Variants in ANKS1B observed in about 807,000 individuals in gnomAD.
ANKS1B encodes the protein ankyrin repeat and sterile alpha motif domain containing 1B, also known as ankyrin repeat and sterile alpha motif domain-containing protein 1B.
Under a neutral mutation model 148.3 loss-of-function variants are expected in ANKS1B, and 36 were observed. The ratio of observed to expected loss-of-function variants is 0.24; its 90% CI spans 0.19 to 0.32. ANKS1B has a LOEUF of 0.32. Among genes scored for constraint, ANKS1B ranks in the 10% least tolerant of loss-of-function variants. The pLI, the probability that ANKS1B is intolerant of heterozygous loss-of-function variation, is 1.00. For synonymous variants in ANKS1B, 542 were observed against 560.8 expected, an observed-to-expected ratio of 0.97 and a Z score of 0.47; for missense variants, 1,157 against 1,542.6, an observed-to-expected ratio of 0.75 and a Z score of 4.19.
intron 12 of ANKS1B, among the ~76,000 whole-genome samples, chr12:99,300,913 G>A (rs1172845192): frequency 6.6e-6 from 1 of 152,200 alleles, no homozygotes; most frequent in African/African-American, 2.4e-5. Context: ...AGATATAAAA[G>A]AGGATATTTA....
At chr12:99,157,853 G>A (rs2076240066) in intron 14 of ANKS1B, among the ~76,000 whole-genome samples, 1 of 152,210 alleles carries the variant, frequency 6.6e-6, no homozygotes, top group Admixed American at 6.5e-5. Context: ...ATTTGTGGTG[G>A]GGATTATTTC....
chr12:99,466,541 G>A lies in ANKS1B; in HGVS notation c.1439-22732C>T, dbSNP rs867812276. Among the ~76,000 whole-genome samples the A allele has an allele frequency of 1.3e-5, 2 of 150,182 alleles. 1 individual carries two copies. Among genetic ancestry groups the A allele is most frequent in the African/African-American group, 5.1e-5 (2 of 39,600 alleles). ...GATCAACAAAATTGATAGACCGCTA[G>A]CAAGACTAATAAAGAAGAAAAGAGA... On this transcript the variant is annotated intron_variant, in intron 10 of 26. Coordinates refer to ENST00000683438, the MANE Select transcript of ANKS1B (RefSeq NM_001352186.2).
intron 12 of ANKS1B, among the ~76,000 whole-genome samples, chr12:99,397,573 C>T (rs550260350): frequency 2.7e-4 from 41 of 152,202 alleles, no homozygotes; most frequent in African/African-American, 9.9e-4. Context: ...TGGTTAAAAA[C>T]ATGAACTCTA....
intron 11 of ANKS1B, among the ~76,000 whole-genome samples, chr12:99,403,452 C>G (rs1275102351): frequency 7.1e-6 from 1 of 140,956 alleles, no homozygotes; most frequent in Non-Finnish European, 1.6e-5. Flanking sequence ...CGACCATACC[C>G]AGCCCCCAAT....
chr12:98,760,062 G>T (rs1282369426), intron 25 of ANKS1B, among the ~76,000 whole-genome samples: 1 of 152,130 alleles, frequency 6.6e-6, no homozygotes, highest in South Asian at 2.1e-4. Context: ...ACATAGATAG[G>T]ATCTGTATAT....
intron 23 of ANKS1B, 49 bp downstream of exon 23, chr12:98,782,077 C>A: frequency 6.6e-7 from 1 of 1,515,000 alleles, no homozygotes; most frequent in East Asian, 2.3e-5. Context: ...ACTTCATTGC[C>A]CTCTATATAT....
chr12:98,878,055 A>AG (rs2099696038), intron 17 of ANKS1B, among the ~76,000 whole-genome samples: 5 of 152,294 alleles, frequency 3.3e-5, no homozygotes, highest in Admixed American at 6.5e-5. Flanking sequence ...TATACTCTAA[A>AG]GGTTTAATTA....
intron 17 of ANKS1B, among the ~76,000 whole-genome samples, chr12:98,968,068 C>T (rs546699346): frequency 2.5e-4 from 38 of 152,054 alleles, no homozygotes; most frequent in African/African-American, 8.2e-4. Flanking sequence ...CAGTAGAAGC[C>T]GCATTCTGAC....
At chr12:98,765,228 T>A (rs2098464594) in intron 25 of ANKS1B, among the ~76,000 whole-genome samples, 2 of 152,194 alleles carry the variant, frequency 1.3e-5, no homozygotes, top group Non-Finnish European at 2.9e-5. Context: ...CCTATTATAA[T>A]CTCTATTTTA....
chr12:99,381,602 T>C (rs2093646100), intron 12 of ANKS1B, among the ~76,000 whole-genome samples: 2 of 152,138 alleles, frequency 1.3e-5, no homozygotes, highest in Admixed American at 6.6e-5. Context: ...ATAAAGACTT[T>C]GTCCGTTGCA....
intron 9 of ANKS1B, among the ~76,000 whole-genome samples, chr12:99,653,796 T>C (rs2098437175): frequency 6.6e-6 from 1 of 150,968 alleles, no homozygotes; most frequent in Admixed American, 6.6e-5. Flanking sequence ...CCTGAGTAGC[T>C]AGGGCTATGG....
chr12:99,810,950 C>G (rs1440407255), intron 3 of ANKS1B, among the ~76,000 whole-genome samples: 2 of 151,814 alleles, frequency 1.3e-5, no homozygotes, highest in Admixed American at 6.6e-5. Flanking sequence ...AGAGCATTGT[C>G]ATAAATTTCC....
intron 11 of ANKS1B, among the ~76,000 whole-genome samples, chr12:99,412,573 G>T (rs570013392): frequency 6.6e-6 from 1 of 152,186 alleles, no homozygotes; most frequent in East Asian, 1.9e-4. Flanking sequence ...CTCTTGTTTT[G>T]TCTAAATCTA....
intron 12 of ANKS1B, among the ~76,000 whole-genome samples, chr12:99,280,883 TCTCA>T (rs2078339670): frequency 6.6e-6 from 1 of 150,896 alleles, no homozygotes; most frequent in Non-Finnish European, 1.5e-5. Context: ...TCTCTCTCTC[TCTCA>T]CACACACACA....
intron 25 of ANKS1B, among the ~76,000 whole-genome samples, chr12:98,769,165 C>CTGTTTTTTTTTT (rs2098532400): frequency 2.4e-5 from 1 of 41,216 alleles, no homozygotes; most frequent in Non-Finnish European, 4.4e-5. Flanking sequence ...GTCTTCTTTA[C>CTGTTTTTTTTTT]TTTTTTTTTT....
At position 99,407,790 on chromosome 12, in the gene ANKS1B, C is replaced by T. The variant is rs186469319; in HGVS notation, c.1576-7979G>A. ...ATAAAATATCTAGGAATAAACTTAACCAAAGAAGTAAAAGAGCTCTACAGT... is the reference window on the plus strand; with the variant it reads ...ATAAAATATCTAGGAATAAACTTAATCAAAGAAGTAAAAGAGCTCTACAGT... On this transcript the variant is annotated intron_variant, in intron 11 of 26. Coordinates refer to ENST00000683438, the MANE Select transcript of ANKS1B (RefSeq NM_001352186.2). Among the ~76,000 whole-genome samples, 409 of 145,244 alleles carry T rather than the reference C, an allele frequency of 2.8e-3. 41 individuals are homozygous for T. The highest frequency in any genetic ancestry group is 4.7e-3 in the Non-Finnish European group (311 of 65,720).
chr12:99,925,551 T>C (rs1435885389), intron 1 of ANKS1B, among the ~76,000 whole-genome samples: 1 of 152,182 alleles, frequency 6.6e-6, no homozygotes, highest in Non-Finnish European at 1.5e-5. Flanking sequence ...CTGGGTGTGA[T>C]AGTTATCAAT....
intron 15 of ANKS1B, among the ~76,000 whole-genome samples, chr12:99,136,925 T>C (rs1447509313): frequency 6.6e-6 from 1 of 152,216 alleles, no homozygotes; most frequent in Non-Finnish European, 1.5e-5. Context: ...TGTGTCTATG[T>C]AGACCACCTG....
intron 22 of ANKS1B, among the ~76,000 whole-genome samples, chr12:98,796,224 T>C (rs1314814102): frequency 1.3e-5 from 2 of 152,186 alleles, no homozygotes; most frequent in Admixed American, 1.3e-4. Context: ...CCACAGTGAT[T>C]TACTTATTAC....
Sources: gnomAD v4.1 joint callset for allele counts (sites outside exome capture counted in the v4.1 genomes callset) on GRCh38, gnomAD v4.1.1 for gene constraint, MANE v1.5 for transcripts, NCBI Gene and HGNC (gene_info 2026-07-23, HGNC 2026-07-21) for gene names.